The following SLC13A5 variants were observed in gnomAD, a reference collection of about 807,000 sequenced individuals.
The protein encoded by SLC13A5 is Na(+)/citrate cotransporter.
SLC13A5 carries 25 observed loss-of-function variants against 56.5 expected under a neutral mutation model. That is an observed-to-expected ratio of 0.44 (90% confidence interval 0.32 to 0.62). The LOEUF (loss-of-function observed/expected upper bound fraction) is 0.62. SLC13A5 is among the 20% of genes least tolerant of loss of function. The pLI is 0.04. For missense variants in SLC13A5, 649 were observed against 737.8 expected (o/e 0.88, Z 1.39); for synonymous variants, 307 against 301.5 (o/e 1.02, Z -0.19).
chr17:6,706,879 T>G (rs1416500217), intron 2 of SLC13A5, 101 bp from the exon 3 acceptor site: 1 of 1,568,482 alleles, frequency 6.4e-7, no homozygotes, highest in Non-Finnish European at 8.7e-7. Flanking sequence ...GGAGTGGGGA[T>G]GCAGGCTCGA....
In SLC13A5 at chr17:6,701,045, C is replaced by A. The variant is rs1304487049; in HGVS notation, c.798G>T (p.Leu266=). The A allele has an allele frequency of 6.2e-7, 1 of 1,614,068 alleles. No homozygotes were observed. The highest frequency in any genetic ancestry group is 8.5e-7 in the Non-Finnish European group (1 of 1,180,040). The part of the protein sequence containing the change: ...FAFPNMLVML[L]FAWLWLQFVY... ...CAAACTGGAGCCACAGCCAGGCGAA[C>A]AGCAGCATCACCAGCATGTTGGGAA... The change falls in exon 6 of 12, where the codon CTG becomes CTT. Residue 266 remains leucine (L), a synonymous_variant. Coordinates refer to ENST00000433363, the MANE Select transcript of SLC13A5 (RefSeq NM_177550.5). The surrounding 1 kb of genome is among the most constrained non-coding windows in gnomAD (Gnocchi z 4.1).
intron 6 of SLC13A5, among the ~76,000 whole-genome samples, chr17:6,696,661 T>C (rs1389836157): frequency 1.3e-5 from 2 of 151,972 alleles, no homozygotes; most frequent in Admixed American, 6.6e-5. Context: ...GGAGCTCAGC[T>C]GTGGAGGGGG....
At chr17:6,696,778 C>T (rs750011827) in intron 6 of SLC13A5, among the ~76,000 whole-genome samples, 3 of 152,116 alleles carry the variant, frequency 2.0e-5, no homozygotes, top group Non-Finnish European at 4.4e-5. Flanking sequence ...TGGGCAAGGC[C>T]AAGAGTATTG....
At chr17:6,696,090 C>T in intron 6 of SLC13A5, 149 bp from the exon 7 acceptor site, 1 of 672,604 alleles carries the variant, frequency 1.5e-6, no homozygotes, top group African/African-American at 1.8e-5. Context: ...AAGGCCCTTC[C>T]TGCCTCTTTC....
At position 6,692,231 on chromosome 17, in the gene SLC13A5, A is replaced by AGATGGATGGATGGATGGATG. The variant is rs370078806; in HGVS notation, c.1275+793_1275+812dup. 3.5e-5 allele frequency among the ~76,000 whole-genome samples: 5 copies of AGATGGATGGATGGATGGATG among 143,814 alleles called. No homozygotes were observed. Among genetic ancestry groups the AGATGGATGGATGGATGGATG allele is most frequent in the African/African-American group, 1.3e-4 (5 of 37,698 alleles). 94.3% of individuals were successfully genotyped at this position (143,814 alleles called of 152,430 possible). A position where few individuals can be genotyped will look rare whatever the true frequency, so the allele number is the denominator to read the frequency against. On this transcript the variant is annotated intron_variant, in intron 9 of 11. Coordinates refer to ENST00000433363, the MANE Select transcript of SLC13A5 (RefSeq NM_177550.5). This position sits in a 1 kb window ranked among gnomAD's most constrained non-coding sequence, Gnocchi z 5.5. ...TAGATAGATGGGTGGATGGATGGAC[A>AGATGGATGGATGGATGGATG]GATGGATGGATGGATGGATGGATGG...
chr17:6,697,453 C>T (rs1274015047), intron 6 of SLC13A5, among the ~76,000 whole-genome samples: 2 of 152,220 alleles, frequency 1.3e-5, no homozygotes, highest in Non-Finnish European at 2.9e-5. Context: ...TGCTGAGCAG[C>T]TTTGCTCTCA....
At chr17:6,706,876 G>A (rs1448229439) in intron 2 of SLC13A5, 98 bp from the exon 3 acceptor site, 3 of 1,571,542 alleles carry the variant, frequency 1.9e-6, no homozygotes, top group African/African-American at 1.3e-5. Context: ...CTTGGAGTGG[G>A]GATGCAGGCT....
chr17:6,710,745 A>C (rs1211178237), intron 1 of SLC13A5, among the ~76,000 whole-genome samples: 9 of 150,530 alleles, frequency 6.0e-5, no homozygotes, highest in Non-Finnish European at 1.0e-4. Context: ...TTAATGAAAA[A>C]ATGCAGGCAA....
Position 6,685,852 on chromosome 17 carries a change from T to G in SLC13A5, c.*355A>C. The G allele has an allele frequency of 3.6e-6, 1 of 274,016 alleles. No homozygotes were observed. 17.0% of individuals were successfully genotyped at this position (274,016 alleles called of 1,614,324 possible). A position where few individuals can be genotyped will look rare whatever the true frequency, so the allele number is the denominator to read the frequency against. ...TTTAAACTATCTAGGACGAAGCGAGTGAAAACCAGAGCCCTGTGTGGGGGA... is the reference window on the plus strand; with the variant it reads ...TTTAAACTATCTAGGACGAAGCGAGGGAAAACCAGAGCCCTGTGTGGGGGA... On this transcript the variant is annotated 3_prime_UTR_variant, in exon 12 of 12. Transcript: ENST00000433363. The surrounding 1 kb of genome is among the most constrained non-coding windows in gnomAD (Gnocchi z 4.2).
intron 11 of SLC13A5, 142 bp from the exon 12 acceptor site, chr17:6,686,480 A>G: frequency 2.0e-6 from 2 of 996,992 alleles, no homozygotes; most frequent in Non-Finnish European, 2.9e-6. Flanking sequence ...CCCCCAGGAC[A>G]GTGCGACTTC....
chr17:6,704,447 A>T (rs535511803), intron 3 of SLC13A5: 22 of 352,398 alleles, frequency 6.2e-5, no homozygotes, highest in Middle Eastern at 8.3e-4. Context: ...GAATACCCCT[A>T]TGTGCAGGCA....
Position 6,703,149 on chromosome 17 carries a change from C to T in SLC13A5, c.548-11G>A, listed in dbSNP as rs201440162. On this transcript the variant is annotated splice_polypyrimidine_tract_variant and intron_variant, in intron 4 of 11. Coordinates refer to ENST00000433363, the MANE Select transcript of SLC13A5 (RefSeq NM_177550.5). ...AAATCACTTGACTCCCTGTGGTGGG[C>T]ACAGCGCTGTTAGCTGAGCCAGTCA... The T allele has an allele frequency of 1.2e-6, 2 of 1,613,818 alleles. No homozygotes were observed. The highest frequency in any genetic ancestry group is 1.7e-6 in the Non-Finnish European group (2 of 1,179,988).
At chr17:6,706,361 T>A (rs190724816) in intron 3 of SLC13A5, among the ~76,000 whole-genome samples, 1 of 152,194 alleles carries the variant, frequency 6.6e-6, no homozygotes, top group Non-Finnish European at 1.5e-5. Flanking sequence ...ACCCTGCAGC[T>A]AGCTGCCTCC....
intron 1 of SLC13A5, among the ~76,000 whole-genome samples, chr17:6,710,904 C>G (rs537216369): frequency 3.3e-5 from 5 of 151,682 alleles, no homozygotes; most frequent in Non-Finnish European, 7.4e-5. Context: ...AAAAAAGAAA[C>G]CTTTTACATT....
At chr17:6,696,028 A>C in intron 6 of SLC13A5, 87 bp from the exon 7 acceptor site, 3 of 1,277,842 alleles carry the variant, frequency 2.3e-6, no homozygotes, top group Non-Finnish European at 3.3e-6. Flanking sequence ...CTACAGCAGA[A>C]TGTAGCAAAA....
At chr17:6,689,522 C>CA (rs1567613939) in intron 10 of SLC13A5, 2 of 152,230 alleles carry the variant, frequency 1.3e-5, no homozygotes, top group Non-Finnish European at 2.9e-5. Flanking sequence ...TCGGTGCTCC[C>CA]AGTTAGGGCT....
At chr17:6,699,255 G>C (rs906811454) in intron 6 of SLC13A5, among the ~76,000 whole-genome samples, 2 of 151,946 alleles carry the variant, frequency 1.3e-5, no homozygotes, top group Non-Finnish European at 1.5e-5. Flanking sequence ...AGACCTGTTC[G>C]ACGGATGTGA....
Position 6,707,098 on chromosome 17 carries a change from A to G in SLC13A5, c.161T>C (p.Ile54Thr), listed in dbSNP as rs1367787065. 1 of 1,613,970 alleles carries G rather than the reference A, an allele frequency of 6.2e-7. No homozygotes were observed. Among genetic ancestry groups the G allele is most frequent in the African/African-American group, 1.3e-5 (1 of 74,904 alleles). Reference protein sequence around the residue: ...LMAIYWCTEVIPLAVTSLMPV... With the variant: ...LMAIYWCTEVTPLAVTSLMPV... ...CATGAGAGAGGTGACAGCCAGAGGG[A>G]TGACTTCTGTGCACCAGTAAATGGC... Residue 54 changes from isoleucine to threonine, a missense_variant, in exon 2 of 12, where the codon ATC (isoleucine) becomes ACC (threonine). Coordinates refer to ENST00000433363, the MANE Select transcript of SLC13A5 (RefSeq NM_177550.5).
chr17:6,699,767 G>A lies in SLC13A5; in HGVS notation c.839+1237C>T, dbSNP rs376165036. 2.1e-4 allele frequency among the ~76,000 whole-genome samples: 31 copies of A among 150,148 alleles called. No individual in the cohort carries two copies. The East Asian group carries it at 5.7e-3, about 28-fold the overall frequency. ...ATTTCAGGCGTGGGCTACCACGCCC[G>A]GCTAATTTTTGTATTTTTAGTAGAG... On this transcript the variant is annotated intron_variant, in intron 6 of 11. Coordinates refer to ENST00000433363, the MANE Select transcript of SLC13A5 (RefSeq NM_177550.5).
Sources: gnomAD v4.1 joint callset for allele counts (sites outside exome capture counted in the v4.1 genomes callset) on GRCh38, gnomAD v4.1.1 for gene constraint, Gnocchi (gnomAD v3.1) non-coding constraint, MANE v1.5 for transcripts, NCBI Gene and HGNC (gene_info 2026-07-23, HGNC 2026-07-21) for gene names.